AP1M1: variants seen among roughly 807,000 people sequenced by gnomAD.
The protein encoded by AP1M1 is adaptor related protein complex 1 subunit mu 1.
Under a neutral mutation model 57.1 loss-of-function variants are expected in AP1M1, and 18 were observed. The ratio of observed to expected loss-of-function variants is 0.32; its 90% CI spans 0.22 to 0.47. AP1M1 has a LOEUF of 0.47. AP1M1 is among the 20% of genes least tolerant of loss of function. The probability of loss-of-function intolerance (pLI) is 1.00; values close to 1 mark genes in which losing one functional copy is unlikely to be tolerated. For synonymous variants in AP1M1, 241 were observed against 237.9 expected (o/e 1.01, Z -0.12); for missense variants, 362 against 593.5 (o/e 0.61, Z 4.05).
At position 16,237,062 on chromosome 19, in the gene AP1M1, C is replaced by A. The variant is rs914145030; in HGVS notation, c.*2627C>A. On this transcript the variant is annotated 3_prime_UTR_variant, in exon 12 of 12. Transcript: ENST00000291439. ...CAAATAATTTGCATGCGGGTTATAA[C>A]GTCTACAAATCAGAAAAAGAGAACC... is the stretch of plus-strand genomic sequence containing the variant. The A allele has an allele frequency of 1.3e-5, 2 of 152,222 alleles. No individual in the cohort carries two copies. Among genetic ancestry groups the A allele is most frequent in the African/African-American group, 2.4e-5 (1 of 41,456 alleles). 9.4% of individuals were successfully genotyped at this position (152,222 alleles called of 1,614,324 possible). A position where few individuals can be genotyped will look rare whatever the true frequency, so the allele number is the denominator to read the frequency against.
intron 5 of AP1M1, among the ~76,000 whole-genome samples, chr19:16,211,163 G>T (rs551146017): frequency 4.9e-4 from 68 of 138,116 alleles, no homozygotes; most frequent in African/African-American, 1.7e-3. Context: ...TGGCATGCTT[G>T]GCTCAGTGCA....
rs147698717 is a variant in AP1M1, at chr19:16,212,922, T to G, written c.546+3745T>G. ...GTATGGGTTTGAGTGATTTTCTTAG[T>G]TTTGAATTCTATTTTTATTGATTTG... is the stretch of plus-strand genomic sequence containing the variant. On this transcript the variant is annotated intron_variant, in intron 5 of 11. Transcript: ENST00000291439. Among the ~76,000 whole-genome samples, 24 of 152,330 alleles carry G rather than the reference T, an allele frequency of 1.6e-4. No individual in the cohort carries two copies. The East Asian group carries it at 4.4e-3, about 28-fold the overall frequency.
rs2091648313 is a variant in AP1M1, at chr19:16,242,317, A to AT, written c.*7882_*7883insT. On this transcript the variant is annotated 3_prime_UTR_variant, in exon 12 of 12. Transcript: ENST00000291439. Reference sequence around the variant, plus strand: ...AGAGTGACACCCTGCCTCAAAAAAAAAAAATAAAATAAAGGAAAAATCAGG... The same window carrying AT: ...AGAGTGACACCCTGCCTCAAAAAAAATAAAATAAAATAAAGGAAAAATCAGG... 3 of 151,506 alleles carry AT rather than the reference A, an allele frequency of 2.0e-5. No individual in the cohort carries two copies. The highest frequency in any genetic ancestry group is 4.9e-5 in the African/African-American group (2 of 40,882). 9.4% of individuals were successfully genotyped at this position (151,506 alleles called of 1,614,324 possible).
chr19:16,236,834 G>A lies in AP1M1; in HGVS notation c.*2399G>A, dbSNP rs1457854145. The A allele has an allele frequency of 2.0e-5, 3 of 152,092 alleles. No homozygotes were observed. Among genetic ancestry groups the A allele is most frequent in the Non-Finnish European group, 4.4e-5 (3 of 68,014 alleles). 9.4% of individuals were successfully genotyped at this position (152,092 alleles called of 1,614,324 possible). ...GCACACAATAGACCCTCAACATGAG[G>A]GCACATCCTGAAAATTACAAAACAC... On this transcript the variant is annotated 3_prime_UTR_variant, in exon 12 of 12. Transcript: ENST00000291439.
At chr19:16,232,686 G>A (rs575524912) in intron 9 of AP1M1, among the ~76,000 whole-genome samples, 158 of 152,328 alleles carry the variant, frequency 1.0e-3, no homozygotes, top group Non-Finnish European at 1.7e-3. Flanking sequence ...CACGGGGACC[G>A]CCCCTGCTGT....
At chr19:16,234,142 G>A in intron 10 of AP1M1, 57 bp from the exon 11 acceptor site, 2 of 1,542,252 alleles carry the variant, frequency 1.3e-6, no homozygotes, top group Middle Eastern at 2.1e-4. Flanking sequence ...AAAGATTAAG[G>A]GGGGACCAAC....
At chr19:16,217,793 C>T (rs1466650176) in intron 5 of AP1M1, among the ~76,000 whole-genome samples, 2 of 152,166 alleles carry the variant, frequency 1.3e-5, no homozygotes, top group Admixed American at 1.3e-4. Flanking sequence ...CTGTGCTCCA[C>T]CACATATGCT....
chr19:16,244,565 GAATA>G lies in AP1M1; in HGVS notation c.*10136_*10139del, dbSNP rs1391369185. 6.6e-6 allele frequency: 1 copy of G among 152,156 alleles called. No individual in the cohort carries two copies. The highest frequency in any genetic ancestry group is 1.5e-5 in the Non-Finnish European group (1 of 68,034). 9.4% of individuals were successfully genotyped at this position (152,156 alleles called of 1,614,324 possible). A position where few individuals can be genotyped will look rare whatever the true frequency, so the allele number is the denominator to read the frequency against. ...CCAAGTTAATGACTGTCTGGGAGGA[GAATA>G]AATAACATGGATACACTTTGGGAGG... On this transcript the variant is annotated 3_prime_UTR_variant, in exon 12 of 12. Transcript: ENST00000291439.
intron 5 of AP1M1, among the ~76,000 whole-genome samples, chr19:16,216,931 C>T (rs2091521372): frequency 2.0e-5 from 3 of 152,210 alleles, no homozygotes; most frequent in Admixed American, 6.5e-5. Flanking sequence ...GGCAGCACAG[C>T]GGGGTGCACG....
In AP1M1 at chr19:16,215,191, A is replaced by AGGCAGG. The variant is rs1205816760; in HGVS notation, c.546+6017_546+6018insAGGGGC. ...GTAATCCCAGCACTTTGGGAGGCTA[A>AGGCAGG]GGCGGGGGCGGGGGGGGGGGAGAGG... On this transcript the variant is annotated intron_variant, in intron 5 of 11. Coordinates refer to ENST00000291439, the MANE Select transcript of AP1M1 (RefSeq NM_032493.4). Among the ~76,000 whole-genome samples the AGGCAGG allele has an allele frequency of 5.3e-3, 26 of 4,936 alleles. 8 individuals carry two copies. Among genetic ancestry groups the AGGCAGG allele is most frequent in the Admixed American group, 0.013 (6 of 460 alleles). 3.2% of individuals were successfully genotyped at this position (4,936 alleles called of 152,430 possible).
At chr19:16,226,691 G>C in intron 6 of AP1M1, 144 bp downstream of exon 6, 2 of 1,043,548 alleles carry the variant, frequency 1.9e-6, no homozygotes, top group African/African-American at 3.2e-5. Flanking sequence ...GCTTGAGACA[G>C]CTGTGTAGAG....
At chr19:16,209,203 T>C (rs752864781) in intron 5 of AP1M1, 26 bp downstream of exon 5, 2 of 1,612,226 alleles carry the variant, frequency 1.2e-6, no homozygotes, top group South Asian at 2.2e-5. Context: ...TTCCTTCTTC[T>C]GTAGGGTTTT....
chr19:16,208,937 AC>A (rs1341654773), intron 4 of AP1M1, 92 bp from the exon 5 acceptor site: 7 of 1,487,018 alleles, frequency 4.7e-6, no homozygotes, highest in African/African-American at 2.8e-5. Flanking sequence ...CCTGCCCTGT[AC>A]CCCCCACCCA....
chr19:16,245,447 A>T lies in AP1M1; in HGVS notation c.*11012A>T, dbSNP rs962952469. 6.6e-6 allele frequency: 1 copy of T among 151,840 alleles called. No homozygotes were observed. The highest frequency in any genetic ancestry group is 2.4e-5 in the African/African-American group (1 of 41,290). 9.4% of individuals were successfully genotyped at this position (151,840 alleles called of 1,614,324 possible). A position where few individuals can be genotyped will look rare whatever the true frequency, so the allele number is the denominator to read the frequency against. ...CAGGTGCACGCCACCACACCCAGCTAATTTATGTAATTTTATAGAGTTGTG... is the reference window on the plus strand; with the variant it reads ...CAGGTGCACGCCACCACACCCAGCTTATTTATGTAATTTTATAGAGTTGTG... On this transcript the variant is annotated 3_prime_UTR_variant, in exon 12 of 12. Transcript: ENST00000291439.
chr19:16,212,557 T>C (rs2091499864), intron 5 of AP1M1, among the ~76,000 whole-genome samples: 1 of 152,208 alleles, frequency 6.6e-6, no homozygotes, highest in Non-Finnish European at 1.5e-5. Flanking sequence ...GCTCCTGGCT[T>C]ACTTGATGTT....
rs562164950 is a variant in AP1M1, at chr19:16,241,059, G to T, written c.*6624G>T. 6.6e-6 allele frequency: 1 copy of T among 152,022 alleles called. No homozygotes were observed. The highest frequency in any genetic ancestry group is 1.9e-4 in the East Asian group (1 of 5,156). 9.4% of individuals were successfully genotyped at this position (152,022 alleles called of 1,614,324 possible). On this transcript the variant is annotated 3_prime_UTR_variant, in exon 12 of 12. Coordinates refer to ENST00000291439, the MANE Select transcript of AP1M1 (RefSeq NM_032493.4). ...GGACAAGCCGGGCATGGTGGCTCCC[G>T]CCTGTAATCCCAGCACTCTGGGAGG...
intron 6 of AP1M1, 68 bp downstream of exon 6, chr19:16,226,615 G>A: frequency 4.7e-6 from 7 of 1,492,908 alleles, no homozygotes; most frequent in Non-Finnish European, 6.3e-6. Context: ...TACAGCCTAG[G>A]GCAGGGTTGG....
chr19:16,226,477 A>G lies in AP1M1; in HGVS notation c.603A>G (p.Arg201=). ...RSEIVGSIKM[R]VFLSGMPELR... is the part of the protein sequence containing the mutation. ...AGATCGTGGGCTCCATCAAGATGCG[A>G]GTCTTCCTCTCGGGCATGCCCGAGC... The change falls in exon 6 of 12, where the codon CGA becomes CGG. Residue 201 remains arginine (R), a synonymous_variant. Coordinates refer to ENST00000291439, the MANE Select transcript of AP1M1 (RefSeq NM_032493.4). 1 of 1,583,062 alleles carries G rather than the reference A, an allele frequency of 6.3e-7. No individual in the cohort carries two copies. Among genetic ancestry groups the G allele is most frequent in the Non-Finnish European group, 8.6e-7 (1 of 1,165,130 alleles).
intron 9 of AP1M1, among the ~76,000 whole-genome samples, chr19:16,232,547 C>T (rs1200297906): frequency 2.0e-5 from 3 of 152,212 alleles, no homozygotes; most frequent in African/African-American, 7.2e-5. Flanking sequence ...TTGCTGATGT[C>T]GCATCTTCCC....
Sources: gnomAD v4.1 joint callset for allele counts (sites outside exome capture counted in the v4.1 genomes callset) on GRCh38, gnomAD v4.1.1 for gene constraint, MANE v1.5 for transcripts, NCBI Gene and HGNC (gene_info 2026-07-23, HGNC 2026-07-21) for gene names.